The following BRWD3 variants were observed in gnomAD, a reference collection of about 807,000 sequenced individuals.
The protein encoded by BRWD3 is bromodomain and WD repeat domain containing 3.
A neutral mutation model predicts 149.7 loss-of-function variants in BRWD3; 10 were observed. The ratio of observed to expected loss-of-function variants is 0.07; its 90% CI spans 0.04 to 0.11. BRWD3 has a LOEUF of 0.11. Among genes scored for constraint, BRWD3 ranks in the 10% least tolerant of loss-of-function variants. BRWD3 has a pLI of 1.00. For missense variants in BRWD3, 940 were observed against 1,373.2 expected (o/e 0.68, Z 4.99); for synonymous variants, 504 against 456.7 (o/e 1.10, Z -1.32).
intron 6 of BRWD3, among the ~76,000 whole-genome samples, chrX:80,771,969 C>T (rs1215060329): frequency 1.8e-5 from 2 of 111,669 alleles, no homozygotes; most frequent in East Asian, 5.7e-4. Context: ...CAGGAAACAA[C>T]AGATGCTGGA....
At chrX:80,705,954 G>T (rs750781917) in intron 22 of BRWD3, among the ~76,000 whole-genome samples, 1 of 111,978 alleles carries the variant, frequency 8.9e-6, no homozygotes, top group East Asian at 2.8e-4. Context: ...ACTACGCTTA[G>T]GTTACACTGA....
At chrX:80,719,688 T>C (rs201396575) in intron 17 of BRWD3, 32 bp from the exon 18 acceptor site, 1 of 1,186,548 alleles carries the variant, frequency 8.4e-7, no homozygotes, top group East Asian at 3.0e-5. Flanking sequence ...GCCACAAAAT[T>C]ACTTACATTT....
intron 8 of BRWD3, among the ~76,000 whole-genome samples, chrX:80,742,118 T>G (rs1413979781): frequency 9.0e-6 from 1 of 111,363 alleles, no homozygotes; most frequent in African/African-American, 3.3e-5. Flanking sequence ...CAGCTTCAGC[T>G]TTCTACATAT....
chrX:80,774,318 G>A (rs777066943), intron 6 of BRWD3, among the ~76,000 whole-genome samples: 1 of 109,329 alleles, frequency 9.1e-6, no homozygotes, highest in South Asian at 3.9e-4. Context: ...CCAGGCTGCA[G>A]TGTACTGGCA....
Position 80,729,244 on chromosome X carries a change from A to G in BRWD3, c.1233-339T>C, listed in dbSNP as rs943730669. On this transcript the variant is annotated intron_variant, in intron 13 of 40. Transcript: ENST00000373275. Reference sequence around the variant, plus strand: ...AGAAAATATGAAAACATAATGGCCAATTTATTATCTTAAATATGAATGTTT... The same window carrying G: ...AGAAAATATGAAAACATAATGGCCAGTTTATTATCTTAAATATGAATGTTT... Among the ~76,000 whole-genome samples, 6 of 111,697 alleles carry G rather than the reference A, an allele frequency of 5.4e-5. No individual in the cohort carries two copies. The East Asian group carries it at 1.7e-3, about 31-fold the overall frequency.
intron 4 of BRWD3, among the ~76,000 whole-genome samples, chrX:80,803,144 A>T (rs909145427): frequency 2.8e-5 from 3 of 108,819 alleles, no homozygotes; most frequent in African/African-American, 1.0e-4. Context: ...AAGCAAGGGC[A>T]TCTCTAAATT....
intron 4 of BRWD3, among the ~76,000 whole-genome samples, chrX:80,802,131 A>T (rs2147867470): frequency 8.9e-6 from 1 of 111,918 alleles, no homozygotes; most frequent in South Asian, 3.7e-4. Flanking sequence ...ACTGTTTTAT[A>T]TGCCCCTTAC....
At chrX:80,742,125 A>T (rs998202095) in intron 8 of BRWD3, among the ~76,000 whole-genome samples, 1 of 111,179 alleles carries the variant, frequency 9.0e-6, no homozygotes, top group Non-Finnish European at 1.9e-5. Context: ...AGCTTTCTAC[A>T]TATGGCTAGC....
At chrX:80,708,962 G>A (rs2072915118) in intron 21 of BRWD3, among the ~76,000 whole-genome samples, 2 of 111,971 alleles carry the variant, frequency 1.8e-5, no homozygotes, top group African/African-American at 3.2e-5. Flanking sequence ...ATGAAAAGAA[G>A]CTATGCTCTT....
chrX:80,732,743 G>T (rs1444664932), intron 12 of BRWD3, among the ~76,000 whole-genome samples: 2 of 111,933 alleles, frequency 1.8e-5, no homozygotes, highest in Non-Finnish European at 3.8e-5. Flanking sequence ...TAGTAGCAAA[G>T]AATGTAGCTC....
Position 80,691,946 on chromosome X carries a change from G to A in BRWD3, c.3358C>T (p.Pro1120Ser), listed in dbSNP as rs1277496917. 3 of 1,204,338 alleles carry A rather than the reference G, an allele frequency of 2.5e-6. No individual in the cohort carries two copies. The African/African-American group carries it at 5.4e-5, about 22-fold the overall frequency. Residue 1120 changes from proline (P) to serine (S), a missense_variant, in exon 30 of 41, where the codon CCT becomes TCT. Coordinates refer to ENST00000373275, the MANE Select transcript of BRWD3 (RefSeq NM_153252.5). ...GCAGTCAATTCTTCCTGGGAGACAG[G>A]AACACCAGCACCAACTTCATCTGGA... is the stretch of plus-strand genomic sequence containing the variant. ...AFPDEVGAGV[P>S]VSQEELTALL...
At chrX:80,808,943 C>A in intron 3 of BRWD3, 70 bp downstream of exon 3, 1 of 1,104,563 alleles carries the variant, frequency 9.1e-7, no homozygotes, top group Non-Finnish European at 1.2e-6. Context: ...CGTCTTCCGC[C>A]CCTGACTTGC....
At position 80,778,727 on chromosome X, in the gene BRWD3, G is replaced by T. The variant is rs761515753; in HGVS notation, c.430+13127C>A. Among the ~76,000 whole-genome samples the T allele has an allele frequency of 1.3e-4, 15 of 112,602 alleles. No individual in the cohort carries two copies. The East Asian group carries it at 2.2e-3, about 17-fold the overall frequency. Reference sequence around the variant, plus strand: ...ATTTTTAAAAAATTTGGCCAGGCACGGTGGCTCACACCTGTCATTCCAGCA... The same window carrying T: ...ATTTTTAAAAAATTTGGCCAGGCACTGTGGCTCACACCTGTCATTCCAGCA... On this transcript the variant is annotated intron_variant, in intron 6 of 40. Transcript: ENST00000373275.
At chrX:80,807,624 C>T (rs1334368669) in intron 4 of BRWD3, among the ~76,000 whole-genome samples, 2 of 111,674 alleles carry the variant, frequency 1.8e-5, no homozygotes, top group Non-Finnish European at 3.8e-5. Context: ...GGGAACCTCC[C>T]CCGCAAAATA....
intron 6 of BRWD3, among the ~76,000 whole-genome samples, chrX:80,775,045 G>T (rs1602421621): frequency 8.9e-6 from 1 of 112,107 alleles, no homozygotes; most frequent in African/African-American, 3.2e-5. Context: ...TAGACCAGGG[G>T]CTGGCAAACT....
chrX:80,758,547 A>C (rs930999314), intron 6 of BRWD3, among the ~76,000 whole-genome samples: 2 of 111,544 alleles, frequency 1.8e-5, no homozygotes, highest in Admixed American at 9.5e-5. Context: ...TGGCCAATTC[A>C]TATGTACAGC....
chrX:80,682,724 C>T, intron 37 of BRWD3, 96 bp from the exon 38 acceptor site: 4 of 821,291 alleles, frequency 4.9e-6, no homozygotes, highest in Non-Finnish European at 6.8e-6. Context: ...TCATTACAGA[C>T]AAAATATCTG....
At chrX:80,694,769 C>T (rs2072659375) in intron 27 of BRWD3, among the ~76,000 whole-genome samples, 1 of 111,310 alleles carries the variant, frequency 9.0e-6, no homozygotes, top group Non-Finnish European at 1.9e-5. Flanking sequence ...ACCTGTACCC[C>T]CACTGTATCT....
chrX:80,742,785 G>C (rs1181117645), intron 8 of BRWD3, among the ~76,000 whole-genome samples: 1 of 111,612 alleles, frequency 9.0e-6, no homozygotes, highest in Non-Finnish European at 1.9e-5. Context: ...TCAGCTTAAG[G>C]AGATTTTGGG....
Sources: gnomAD v4.1 joint callset for allele counts (sites outside exome capture counted in the v4.1 genomes callset) on GRCh38, gnomAD v4.1.1 for gene constraint, MANE v1.5 for transcripts, NCBI Gene and HGNC (gene_info 2026-07-23, HGNC 2026-07-21) for gene names.